Variants in ACSL3 observed in about 807,000 individuals in gnomAD.
The protein encoded by ACSL3 is fatty acid CoA ligase Acsl3.
Under a neutral mutation model 84.7 loss-of-function variants are expected in ACSL3, and 34 were observed. That is an observed-to-expected ratio of 0.40 (90% confidence interval 0.31 to 0.53). The LOEUF is 0.53. ACSL3 is among the 20% of genes least tolerant of loss of function. The probability of loss-of-function intolerance (pLI) is 0.48; values close to 1 mark genes in which losing one functional copy is unlikely to be tolerated. For synonymous variants in ACSL3, 315 were observed against 299.4 expected (o/e 1.05, Z -0.54); for missense variants, 680 against 873.1 (o/e 0.78, Z 2.79).
chr2:222,891,427 G>C (rs1215968780), intron 2 of ACSL3, among the ~76,000 whole-genome samples: 1 of 152,200 alleles, frequency 6.6e-6, no homozygotes, highest in Admixed American at 6.5e-5. Flanking sequence ...ATGCACATAT[G>C]CATGTGTGTA....
intron 5 of ACSL3, chr2:222,917,679 T>C (rs6436362): frequency 0.4 from 63,131 of 157,456 alleles, 13,371 homozygotes; most frequent in East Asian, 0.76. Context: ...TGTCATCCTA[T>C]TTGTATATGT....
Position 222,941,691 on chromosome 2 carries a change from C to G in ACSL3, c.*37C>G, listed in dbSNP as rs1697315081. ...TGGCATCAGTTTGCTACAGTGAGCT[C>G]AGATCAAATAGGAAAATACTTGAAA... On this transcript the variant is annotated 3_prime_UTR_variant, in exon 17 of 17. Coordinates refer to ENST00000357430, the MANE Select transcript of ACSL3 (RefSeq NM_004457.5). 6.4e-7 allele frequency: 1 copy of G among 1,574,800 alleles called. No individual in the cohort carries two copies. The highest frequency in any genetic ancestry group is 1.4e-5 in the African/African-American group (1 of 73,578).
At chr2:222,870,143 G>T (rs79508597) in intron 1 of ACSL3, among the ~76,000 whole-genome samples, 3,899 of 145,594 alleles carry the variant, frequency 0.027, 148 homozygotes, top group African/African-American at 0.089. Flanking sequence ...TCTTGCTTTT[G>T]GGGGATGGAG....
intron 4 of ACSL3, among the ~76,000 whole-genome samples, chr2:222,909,912 A>G (rs895819881): frequency 9.0e-6 from 1 of 110,942 alleles, no homozygotes; most frequent in African/African-American, 3.7e-5. Context: ...GCACTGAGGC[A>G]CAGATAGTTG....
intron 1 of ACSL3, among the ~76,000 whole-genome samples, chr2:222,868,833 G>A (rs1695219014): frequency 6.6e-6 from 1 of 152,050 alleles, no homozygotes; most frequent in Admixed American, 6.5e-5. Context: ...AGCTGGGTGT[G>A]GTAGCGGGTG....
chr2:222,876,628 T>G (rs1695457456), intron 1 of ACSL3, among the ~76,000 whole-genome samples: 1 of 152,196 alleles, frequency 6.6e-6, no homozygotes. Flanking sequence ...GGTCCTACTT[T>G]ATGACTTTAA....
At chr2:222,894,417 T>C (rs900732495) in intron 2 of ACSL3, among the ~76,000 whole-genome samples, 1 of 152,246 alleles carries the variant, frequency 6.6e-6, no homozygotes, top group East Asian at 1.9e-4. Context: ...ACCATTGGCA[T>C]AGAACATTTT....
At chr2:222,937,446 C>G (rs991888882) in intron 16 of ACSL3, among the ~76,000 whole-genome samples, 3 of 152,108 alleles carry the variant, frequency 2.0e-5, no homozygotes, top group African/African-American at 7.2e-5. Context: ...ATTTCTTCCC[C>G]TAGTTATGTC....
intron 3 of ACSL3, chr2:222,904,625 G>A (rs1696246007): frequency 6.5e-6 from 1 of 153,328 alleles, no homozygotes; most frequent in African/African-American, 2.4e-5. Context: ...GTAGCAAGTT[G>A]TTTTTTTCTG....
chr2:222,896,464 C>A (rs1462723901), intron 2 of ACSL3, among the ~76,000 whole-genome samples: 3 of 22,466 alleles, frequency 1.3e-4, no homozygotes, highest in African/African-American at 4.2e-4. Context: ...GGCGGCTGGC[C>A]GGGCGGGGGG....
chr2:222,926,305 G>C (rs1696872748), intron 11 of ACSL3, among the ~76,000 whole-genome samples: 1 of 152,140 alleles, frequency 6.6e-6, no homozygotes, highest in African/African-American at 2.4e-5. Context: ...GTATCCAGAG[G>C]ACTGGATGCC....
intron 6 of ACSL3, 80 bp from the exon 7 acceptor site, chr2:222,918,984 C>T: frequency 6.6e-7 from 1 of 1,510,174 alleles, no homozygotes; most frequent in Non-Finnish European, 9.0e-7. Context: ...TAATGATTCA[C>T]CGAATATGGT....
At chr2:222,907,782 T>TACCC (rs1696331703) in intron 3 of ACSL3, among the ~76,000 whole-genome samples, 2 of 151,262 alleles carry the variant, frequency 1.3e-5, no homozygotes, top group Admixed American at 1.3e-4. Context: ...AAGGTATTAT[T>TACCC]ACCCACCTGC....
chr2:222,881,997 AT>A (rs1198274460), intron 1 of ACSL3, among the ~76,000 whole-genome samples: 1 of 152,166 alleles, frequency 6.6e-6, no homozygotes, highest in Non-Finnish European at 1.5e-5. Flanking sequence ...ATGTGCTGAC[AT>A]TTTAGGATTT....
chr2:222,916,581 A>T, intron 5 of ACSL3, 85 bp downstream of exon 5: 1 of 1,388,090 alleles, frequency 7.2e-7, no homozygotes, highest in Non-Finnish European at 9.5e-7. Flanking sequence ...TAAAATTCTG[A>T]TGTTAATTTT....
At chr2:222,908,621 G>GTGGT (rs1696358406) in intron 3 of ACSL3, 112 bp from the exon 4 acceptor site, 1 of 632,070 alleles carries the variant, frequency 1.6e-6, no homozygotes, top group African/African-American at 1.9e-5. Flanking sequence ...GGGGACCAGT[G>GTGGT]TGGTAGCTGC....
intron 1 of ACSL3, among the ~76,000 whole-genome samples, chr2:222,872,004 A>G (rs940204435): frequency 2.0e-5 from 3 of 152,142 alleles, no homozygotes; most frequent in African/African-American, 7.2e-5. Context: ...GTCACCGTAA[A>G]AAAGATGTAT....
At chr2:222,934,072 C>T (rs1425637530) in intron 15 of ACSL3, among the ~76,000 whole-genome samples, 6 of 152,102 alleles carry the variant, frequency 3.9e-5, no homozygotes, top group African/African-American at 1.4e-4. Flanking sequence ...TCTATCAATA[C>T]AAATTCTGAT....
At chr2:222,875,369 T>A (rs1695418109) in intron 1 of ACSL3, among the ~76,000 whole-genome samples, 1 of 152,164 alleles carries the variant, frequency 6.6e-6, no homozygotes, top group Non-Finnish European at 1.5e-5. Flanking sequence ...GAGGGAGGAA[T>A]CTCATATCTA....
Sources: allele counts gnomAD v4.1 joint callset (sites outside exome capture counted in the v4.1 genomes callset), GRCh38; gene constraint gnomAD v4.1.1; transcripts MANE v1.5; gene names NCBI Gene and HGNC (gene_info 2026-07-23, HGNC 2026-07-21).